The following HMGA2 variants were observed in gnomAD, a reference collection of about 807,000 sequenced individuals.
The protein encoded by HMGA2 is high mobility group AT-hook 2, also known as high mobility group protein HMGI-C.
A neutral mutation model predicts 19.1 loss-of-function variants in HMGA2; 8 were observed. The observed-to-expected ratio is 0.42, with a 90% CI of 0.25 to 0.76. HMGA2 has a LOEUF of 0.76. Among genes scored for constraint, HMGA2 ranks in the 30% least tolerant of loss-of-function variants. The pLI is 0.28. For missense variants in HMGA2, 109 were observed against 136.3 expected, an observed-to-expected ratio of 0.80 and a Z score of 1.00; for synonymous variants, 60 against 48.8, an observed-to-expected ratio of 1.23 and a Z score of -0.96.
chr12:65,934,364 A>G (rs1176028555), intron 3 of HMGA2, among the ~76,000 whole-genome samples: 1 of 152,172 alleles, frequency 6.6e-6, no homozygotes, highest in Non-Finnish European at 1.5e-5. Context: ...CTCTAATAAC[A>G]TCAGCATACT....
intron 2 of HMGA2, among the ~76,000 whole-genome samples, chr12:65,834,297 T>G (rs2120853309): frequency 6.6e-6 from 1 of 152,342 alleles, no homozygotes; most frequent in East Asian, 1.9e-4. Flanking sequence ...ATTGGAAATG[T>G]ATGCCTTCTG....
chr12:65,895,512 C>G (rs775834324), intron 3 of HMGA2, among the ~76,000 whole-genome samples: 19 of 152,142 alleles, frequency 1.2e-4, no homozygotes, highest in Non-Finnish European at 2.8e-4. Flanking sequence ...TTTTGTTTCT[C>G]TAGGAAACAT....
intron 3 of HMGA2, chr12:65,856,670 A>C (rs1055319509): frequency 1.3e-5 from 2 of 152,302 alleles, no homozygotes; most frequent in Non-Finnish European, 2.9e-5. Context: ...GTCTGACATC[A>C]TGGTGTTGGC....
At chr12:65,956,736 G>C (rs138962352) in intron 4 of HMGA2, 28 of 152,232 alleles carry the variant, frequency 1.8e-4, no homozygotes, top group African/African-American at 6.5e-4. Context: ...CTGTTTCTGT[G>C]TGGGGAAGTC....
intron 3 of HMGA2, among the ~76,000 whole-genome samples, chr12:65,944,283 C>T (rs1466592545): frequency 6.6e-6 from 1 of 152,098 alleles, no homozygotes; most frequent in East Asian, 1.9e-4. Flanking sequence ...CTAGACCTTC[C>T]TTGGATAGCC....
intron 3 of HMGA2, among the ~76,000 whole-genome samples, chr12:65,937,954 TG>T (rs972414322): frequency 2.6e-5 from 4 of 152,190 alleles, no homozygotes; most frequent in African/African-American, 7.2e-5. Flanking sequence ...CAATTTCCTT[TG>T]TTCACAGAAA....
chr12:65,824,658 T>G lies in HMGA2; in HGVS notation c.-613T>G, dbSNP rs1206959400. ...CGTGCCCGACCCTATCCCGGCGGAGTCTCCCCATCCTCCTTTGCTTTCCGA... is the reference window on the plus strand; with the variant it reads ...CGTGCCCGACCCTATCCCGGCGGAGGCTCCCCATCCTCCTTTGCTTTCCGA... On this transcript the variant is annotated 5_prime_UTR_variant, in exon 1 of 5. Transcript: ENST00000403681. 11 of 229,388 alleles carry G rather than the reference T, an allele frequency of 4.8e-5. No individual in the cohort carries two copies. In the East Asian group the frequency reaches 5.6e-4, roughly 12 times the overall value. The allele number at this position is 229,388 out of a possible 1,614,324, so 14.2% of individuals were successfully genotyped here. A position where few individuals can be genotyped will look rare whatever the true frequency, so the allele number is the denominator to read the frequency against.
At chr12:65,931,136 A>G (rs956301373) in intron 3 of HMGA2, among the ~76,000 whole-genome samples, 2 of 152,174 alleles carry the variant, frequency 1.3e-5, no homozygotes, top group African/African-American at 4.8e-5. Flanking sequence ...GCAGCACTAA[A>G]TTTCAAGCTT....
At chr12:65,932,999 T>A (rs1875769966) in intron 3 of HMGA2, among the ~76,000 whole-genome samples, 1 of 152,214 alleles carries the variant, frequency 6.6e-6, no homozygotes, top group Non-Finnish European at 1.5e-5. Flanking sequence ...AACTTGTTTT[T>A]TCTTTCCCAC....
chr12:65,849,214 C>A (rs762709141), intron 3 of HMGA2, among the ~76,000 whole-genome samples: 3 of 152,146 alleles, frequency 2.0e-5, no homozygotes, highest in Non-Finnish European at 4.4e-5. Flanking sequence ...TGCCATTATT[C>A]TCTCAGGTAG....
intron 3 of HMGA2, among the ~76,000 whole-genome samples, chr12:65,936,654 A>G (rs1290333184): frequency 6.6e-6 from 1 of 152,104 alleles, no homozygotes; most frequent in African/African-American, 2.4e-5. Flanking sequence ...GGTGACTACT[A>G]CTGCCATCAC....
At chr12:65,844,511 A>C (rs1194852498) in intron 3 of HMGA2, among the ~76,000 whole-genome samples, 2 of 152,250 alleles carry the variant, frequency 1.3e-5, no homozygotes, top group East Asian at 3.8e-4. Context: ...TTAAAAGATT[A>C]AATATGAAAA....
intron 3 of HMGA2, among the ~76,000 whole-genome samples, chr12:65,864,410 G>A (rs1049350946): frequency 4.6e-5 from 7 of 152,110 alleles, no homozygotes; most frequent in Non-Finnish European, 1.0e-4. Context: ...AAATTACATA[G>A]CCAGAAACAG....
chr12:65,923,902 C>T (rs761768557), intron 3 of HMGA2, among the ~76,000 whole-genome samples: 5 of 152,014 alleles, frequency 3.3e-5, no homozygotes, highest in African/African-American at 9.7e-5. Flanking sequence ...CCCAGCTACT[C>T]GGGGGCTGAG....
At chr12:65,918,477 T>A (rs1875188150) in intron 3 of HMGA2, among the ~76,000 whole-genome samples, 1 of 152,206 alleles carries the variant, frequency 6.6e-6, no homozygotes, top group African/African-American at 2.4e-5. Flanking sequence ...ATCTGTAAGT[T>A]TTTTTATGTT....
At chr12:65,836,455 C>A (rs1299629964) in intron 2 of HMGA2, among the ~76,000 whole-genome samples, 1 of 152,004 alleles carries the variant, frequency 6.6e-6, no homozygotes, top group Non-Finnish European at 1.5e-5. Flanking sequence ...GAGGCAGGAA[C>A]TTCTAAGTAC....
chr12:65,920,539 AGG>A (rs889333988), intron 3 of HMGA2, among the ~76,000 whole-genome samples: 11 of 152,284 alleles, frequency 7.2e-5, no homozygotes, highest in African/African-American at 2.6e-4. Flanking sequence ...CCCATGTGTT[AGG>A]GGAGGGACTC....
At chr12:65,872,929 G>C (rs1315286687) in intron 3 of HMGA2, among the ~76,000 whole-genome samples, 2 of 152,062 alleles carry the variant, frequency 1.3e-5, no homozygotes, top group African/African-American at 4.8e-5. Context: ...ACTTCCTTAG[G>C]ACAGAAAGAC....
intron 3 of HMGA2, chr12:65,877,230 G>T (rs889265806): frequency 2.0e-5 from 3 of 152,216 alleles, no homozygotes; most frequent in Non-Finnish European, 4.4e-5. Context: ...GACGTGGAGC[G>T]GCAGGCTGCA....
Sources: gnomAD v4.1 joint callset for allele counts (sites outside exome capture counted in the v4.1 genomes callset) on GRCh38, gnomAD v4.1.1 for gene constraint, MANE v1.5 for transcripts, NCBI Gene and HGNC (gene_info 2026-07-23, HGNC 2026-07-21) for gene names.